The following PPP1R12B variants were observed in gnomAD, a reference collection of about 807,000 sequenced individuals.
The protein encoded by PPP1R12B is myosin phosphatase target subunit 2.
In PPP1R12B, 76 loss-of-function variants were observed where a neutral mutation model predicts 126.1. The observed-to-expected ratio is 0.60, with a 90% confidence interval of 0.50 to 0.73. The LOEUF is 0.73. PPP1R12B is among the 30% of genes least tolerant of loss of function. PPP1R12B has a pLI of 0.00. For synonymous variants in PPP1R12B, 356 were observed against 434.7 expected, an observed-to-expected ratio of 0.82 and a Z score of 2.25; for missense variants, 1,052 against 1,205.1, an observed-to-expected ratio of 0.87 and a Z score of 1.88.
At chr1:202,430,543 C>T (rs1410319025) in intron 6 of PPP1R12B, among the ~76,000 whole-genome samples, 188 bp from the exon 7 acceptor site, 1 of 152,004 alleles carries the variant, frequency 6.6e-6, no homozygotes, top group Non-Finnish European at 1.5e-5. Flanking sequence ...TTCTCTTCTA[C>T]CTTGGATGAA....
chr1:202,446,254 A>ATTTTTT lies in PPP1R12B; in HGVS notation c.1668-2734_1668-2733insTTTTTT, dbSNP rs879273755. Among the ~76,000 whole-genome samples the ATTTTTT allele has an allele frequency of 2.8e-3, 130 of 47,158 alleles. 3 individuals are homozygous for ATTTTTT. The highest frequency in any genetic ancestry group is 5.7e-3 in the African/African-American group (86 of 15,090). 30.9% of individuals were successfully genotyped at this position (47,158 alleles called of 152,430 possible). On this transcript the variant is annotated intron_variant, in intron 12 of 23. Coordinates refer to ENST00000608999, the MANE Select transcript of PPP1R12B (RefSeq NM_002481.4). ...TCTCTCTCTATATATATATATATAT[A>ATTTTTT]TATTTTTTTTTTTTTTTGAGATGGA...
intron 13 of PPP1R12B, among the ~76,000 whole-genome samples, chr1:202,477,882 G>T (rs1261732238): frequency 6.6e-6 from 1 of 152,216 alleles, no homozygotes; most frequent in Admixed American, 6.5e-5. Flanking sequence ...AAACATAGTA[G>T]ATAGAGATGG....
At chr1:202,444,545 T>A (rs190156973) in intron 12 of PPP1R12B, among the ~76,000 whole-genome samples, 22 of 152,326 alleles carry the variant, frequency 1.4e-4, no homozygotes, top group African/African-American at 5.3e-4. Context: ...TTTCCACTTT[T>A]AAATTTTAAA....
chr1:202,395,857 G>A (rs1042428972), intron 1 of PPP1R12B, among the ~76,000 whole-genome samples: 7 of 152,134 alleles, frequency 4.6e-5, no homozygotes, highest in African/African-American at 1.2e-4. Flanking sequence ...TGATTTCTCT[G>A]TGGTTACACC....
chr1:202,589,454 G>A lies in PPP1R12B; in HGVS notation c.*8894G>A, dbSNP rs1690023871. On this transcript the variant is annotated 3_prime_UTR_variant, in exon 24 of 24. Transcript: ENST00000608999. ...AAGCAGCAGCAGAACAAGCACACTTGATGTCATGGTTGAAGAATTCAGTCC... is the reference window on the plus strand; with the variant it reads ...AAGCAGCAGCAGAACAAGCACACTTAATGTCATGGTTGAAGAATTCAGTCC... 1 of 152,376 alleles carries A rather than the reference G, an allele frequency of 6.6e-6. No homozygotes were observed. The highest frequency in any genetic ancestry group is 2.1e-4 in the South Asian group (1 of 4,828). 9.4% of individuals were successfully genotyped at this position (152,376 alleles called of 1,614,324 possible).
Position 202,489,367 on chromosome 1 carries a change from C to T in PPP1R12B, c.1941+744C>T, listed in dbSNP as rs1217038741. ...GTTACCATTTGACTCAGCAGTTCTA[C>T]TCAAGAGAAATGAAAACATATGTTC... is the stretch of plus-strand genomic sequence containing the variant. On this transcript the variant is annotated intron_variant, in intron 14 of 23. Coordinates refer to ENST00000608999, the MANE Select transcript of PPP1R12B (RefSeq NM_002481.4). Among the ~76,000 whole-genome samples, 3 of 152,142 alleles carry T rather than the reference C, an allele frequency of 2.0e-5. No individual in the cohort carries two copies. The South Asian group carries it at 6.2e-4, about 32-fold the overall frequency.
At chr1:202,545,935 G>A (rs1255347446) in intron 18 of PPP1R12B, among the ~76,000 whole-genome samples, 3 of 152,184 alleles carry the variant, frequency 2.0e-5, no homozygotes, top group Non-Finnish European at 2.9e-5. Context: ...CCCAGGTCAC[G>A]TGAGGCTTAG....
intron 1 of PPP1R12B, among the ~76,000 whole-genome samples, chr1:202,374,454 A>G (rs1354916812): frequency 6.9e-6 from 1 of 145,570 alleles, no homozygotes; most frequent in African/African-American, 2.6e-5. Flanking sequence ...CATACCTCCT[A>G]TATGTTAATC....
intron 1 of PPP1R12B, among the ~76,000 whole-genome samples, chr1:202,393,878 T>C (rs968931342): frequency 2.0e-5 from 3 of 151,480 alleles, no homozygotes; most frequent in Non-Finnish European, 4.4e-5. Flanking sequence ...CTGGGAAACA[T>C]AGCAAGACCC....
At chr1:202,545,596 A>G (rs1447671681) in intron 18 of PPP1R12B, among the ~76,000 whole-genome samples, 1 of 152,264 alleles carries the variant, frequency 6.6e-6, no homozygotes, top group East Asian at 1.9e-4. Flanking sequence ...ACCAGTATTC[A>G]TAAATGAAAG....
chr1:202,426,720 G>A (rs543801098), intron 4 of PPP1R12B, among the ~76,000 whole-genome samples: 12 of 152,276 alleles, frequency 7.9e-5, no homozygotes, highest in Non-Finnish European at 1.3e-4. Context: ...CTTTAACAGA[G>A]TTATGTGATT....
intron 3 of PPP1R12B, among the ~76,000 whole-genome samples, chr1:202,423,963 G>A (rs1166087842): frequency 6.6e-6 from 1 of 152,170 alleles, no homozygotes; most frequent in Non-Finnish European, 1.5e-5. Flanking sequence ...GGGATTAAAG[G>A]TGTGAGCTAT....
chr1:202,442,457 G>C lies in PPP1R12B; in HGVS notation c.1552G>C (p.Val518Leu). 1 of 1,610,414 alleles carries C rather than the reference G, an allele frequency of 6.2e-7. No individual in the cohort carries two copies. The highest frequency in any genetic ancestry group is 8.5e-7 in the Non-Finnish European group (1 of 1,178,938). Residue 518 changes from valine (V) to leucine (L), a missense_variant, in exon 12 of 24, where the codon GTT becomes CTT. Val to Leu is a conservative substitution (Grantham distance 32). Transcript: ENST00000608999. ...TTCATGCTTCTACAGAGAATCAGCT[G>C]TTAATCTAGTGAGGAGTGGCTCCTA... ...IEEKENRESA[V>L]NLVRSGSYTR...
intron 13 of PPP1R12B, among the ~76,000 whole-genome samples, chr1:202,486,631 C>G (rs545510404): frequency 1.3e-5 from 2 of 152,214 alleles, no homozygotes. Flanking sequence ...ATAGCGAGAC[C>G]TCATCTCTAC....
intron 1 of PPP1R12B, among the ~76,000 whole-genome samples, chr1:202,373,089 C>T (rs895514565): frequency 6.6e-6 from 1 of 152,000 alleles, no homozygotes; most frequent in Admixed American, 6.6e-5. Context: ...CGCACACCAC[C>T]ACGCCTGGCT....
At chr1:202,430,359 G>T (rs1670035539) in intron 6 of PPP1R12B, among the ~76,000 whole-genome samples, 2 of 152,006 alleles carry the variant, frequency 1.3e-5, no homozygotes, top group African/African-American at 2.4e-5. Context: ...TTCCCATTCG[G>T]TACCTGTGTT....
chr1:202,568,337 G>T (rs955709940), intron 22 of PPP1R12B, among the ~76,000 whole-genome samples: 1 of 152,092 alleles, frequency 6.6e-6, no homozygotes, highest in African/African-American at 2.4e-5. Flanking sequence ...AGGATTTCTG[G>T]TTCAATTGCT....
chr1:202,548,808 C>CTCCA (rs1218548068), intron 18 of PPP1R12B, among the ~76,000 whole-genome samples: 1 of 72,970 alleles, frequency 1.4e-5, no homozygotes, highest in African/African-American at 4.8e-5. Context: ...CTCTCTCTCT[C>CTCCA]TATATATATA....
At chr1:202,389,237 T>C (rs1291237887) in intron 1 of PPP1R12B, among the ~76,000 whole-genome samples, 1 of 152,170 alleles carries the variant, frequency 6.6e-6, no homozygotes, top group Admixed American at 6.5e-5. Context: ...TCAGAACTTT[T>C]CTATGACAAA....
Sources: allele counts gnomAD v4.1 joint callset (sites outside exome capture counted in the v4.1 genomes callset), GRCh38; gene constraint gnomAD v4.1.1; transcripts MANE v1.5; gene names NCBI Gene and HGNC (gene_info 2026-07-23, HGNC 2026-07-21).